Variants in NDFIP2 observed in about 807,000 individuals in gnomAD.
NDFIP2 encodes Nedd4 family interacting protein 2.
Under a neutral mutation model 36.0 loss-of-function variants are expected in NDFIP2, and 19 were observed. That is an observed-to-expected ratio of 0.53 (90% CI 0.37 to 0.77). The LOEUF is 0.77. Among genes scored for constraint, NDFIP2 ranks in the 30% least tolerant of loss-of-function variants. The pLI is 0.00. For missense variants in NDFIP2, 446 were observed against 435.8 expected, an observed-to-expected ratio of 1.02 and a Z score of -0.21; for synonymous variants, 181 against 167.7, an observed-to-expected ratio of 1.08 and a Z score of -0.61.
At chr13:79,494,451 T>C (rs1201725822) in intron 1 of NDFIP2, among the ~76,000 whole-genome samples, 3 of 152,084 alleles carry the variant, frequency 2.0e-5, no homozygotes, top group Admixed American at 6.6e-5. Flanking sequence ...TCTTTAGTTA[T>C]ATATTTATTG....
chr13:79,495,708 T>C (rs974790229), intron 1 of NDFIP2, among the ~76,000 whole-genome samples: 2 of 151,932 alleles, frequency 1.3e-5, no homozygotes, highest in Non-Finnish European at 2.9e-5. Flanking sequence ...ATTGTTGATA[T>C]GGTTGGTTTA....
Position 79,481,434 on chromosome 13 carries a change from T to C in NDFIP2, c.231T>C (p.Ala77=). Residue 77 remains alanine (A), a synonymous_variant, in exon 1 of 8, where the codon GCT becomes GCC. Coordinates refer to ENST00000218652, the MANE Select transcript of NDFIP2 (RefSeq NM_019080.3). ...CGTCGACGGGGGTGGCCGTGGGAGC[T>C]GAGCACGGAGAAGACTCCCTCTCTC... is the stretch of plus-strand genomic sequence containing the variant. ...TTSSTGVAVG[A]EHGEDSLSRK... 1.3e-6 allele frequency: 2 copies of C among 1,560,346 alleles called. No homozygotes were observed. Among genetic ancestry groups the C allele is most frequent in the East Asian group, 2.4e-5 (1 of 42,048 alleles).
intron 1 of NDFIP2, among the ~76,000 whole-genome samples, chr13:79,512,095 C>A (rs1033888155): frequency 1.3e-5 from 2 of 152,158 alleles, no homozygotes; most frequent in Admixed American, 1.3e-4. Context: ...CCAGCCACCC[C>A]ATTTTTGACT....
chr13:79,505,556 G>T lies in NDFIP2; in HGVS notation c.322-15254G>T, dbSNP rs1385041899. 2.0e-5 allele frequency among the ~76,000 whole-genome samples: 3 copies of T among 151,012 alleles called. No homozygotes were observed. The East Asian group carries it at 5.8e-4, about 29-fold the overall frequency. ...GAGGCGGGAGGATTGCTTGAGCCCA[G>T]AAGTTAGAGGCTGTAGTGAGCTAGA... On this transcript the variant is annotated intron_variant, in intron 1 of 7. Transcript: ENST00000218652.
intron 1 of NDFIP2, among the ~76,000 whole-genome samples, chr13:79,517,646 A>G (rs6563115): frequency 0.41 from 62,051 of 152,014 alleles, 13,499 homozygotes; most frequent in East Asian, 0.7. Context: ...ATATTCACAT[A>G]TTATAATTTT....
intron 1 of NDFIP2, among the ~76,000 whole-genome samples, chr13:79,482,028 G>A (rs2079816630): frequency 1.3e-5 from 2 of 152,030 alleles, no homozygotes; most frequent in African/African-American, 2.4e-5. Context: ...AGGAATTGTG[G>A]AACTGTAGAG....
chr13:79,485,930 G>A (rs922315572), intron 1 of NDFIP2, among the ~76,000 whole-genome samples: 6 of 152,052 alleles, frequency 3.9e-5, no homozygotes, highest in African/African-American at 7.3e-5. Context: ...TGTTTGCATC[G>A]TGTGAATCAT....
chr13:79,504,568 G>T (rs1873787524), intron 1 of NDFIP2, among the ~76,000 whole-genome samples: 1 of 151,638 alleles, frequency 6.6e-6, no homozygotes. Flanking sequence ...AAAAAATTGA[G>T]ATCTGATCTG....
chr13:79,510,149 T>C (rs1320918153), intron 1 of NDFIP2, among the ~76,000 whole-genome samples: 1 of 152,194 alleles, frequency 6.6e-6, no homozygotes, highest in Non-Finnish European at 1.5e-5. Flanking sequence ...TAAAAAGTTG[T>C]CCCTTTTGTG....
intron 1 of NDFIP2, among the ~76,000 whole-genome samples, chr13:79,493,154 G>A (rs540989530): frequency 1.3e-5 from 2 of 152,238 alleles, no homozygotes; most frequent in East Asian, 3.9e-4. Context: ...TTATGTCATT[G>A]TTCTGGTCCT....
intron 1 of NDFIP2, among the ~76,000 whole-genome samples, chr13:79,514,795 A>G (rs1434616869): frequency 1.3e-5 from 2 of 152,194 alleles, no homozygotes; most frequent in African/African-American, 4.8e-5. Flanking sequence ...CTGTTCTTTC[A>G]TCACTTCTTG....
In NDFIP2 at chr13:79,553,186, G is replaced by T. The variant is rs992631320; in HGVS notation, c.*673G>T. The T allele has an allele frequency of 6.6e-6, 1 of 150,968 alleles. No individual in the cohort carries two copies. The allele number at this position is 150,968 out of a possible 1,614,324, so 9.4% of individuals were successfully genotyped here. ...AATTAAGTGAACTAAATATATATGT[G>T]TATATGTATACACATATATATACAC... On this transcript the variant is annotated 3_prime_UTR_variant, in exon 8 of 8. Transcript: ENST00000218652.
At chr13:79,544,221 G>A (rs1875568972) in intron 5 of NDFIP2, among the ~76,000 whole-genome samples, 1 of 152,096 alleles carries the variant, frequency 6.6e-6, no homozygotes, top group African/African-American at 2.4e-5. Flanking sequence ...GAGCTCAAAA[G>A]TGAAGGCCTG....
At chr13:79,522,486 CAAAATAT>C (rs1874624451) in intron 2 of NDFIP2, among the ~76,000 whole-genome samples, 3 of 152,062 alleles carry the variant, frequency 2.0e-5, no homozygotes, top group African/African-American at 7.2e-5. Context: ...ACAAACTACC[CAAAATAT>C]AATAGAGTAA....
At chr13:79,497,488 A>G (rs934975341) in intron 1 of NDFIP2, among the ~76,000 whole-genome samples, 1 of 151,940 alleles carries the variant, frequency 6.6e-6, no homozygotes, top group Non-Finnish European at 1.5e-5. Flanking sequence ...GCTTCCTGCT[A>G]CATCCCTGCC....
chr13:79,504,456 T>C (rs1873784128), intron 1 of NDFIP2, among the ~76,000 whole-genome samples: 1 of 152,188 alleles, frequency 6.6e-6, no homozygotes, highest in African/African-American at 2.4e-5. Context: ...TGTTGTCTTA[T>C]ATAGAGTGCA....
chr13:79,492,904 TC>T (rs1474454044), intron 1 of NDFIP2, among the ~76,000 whole-genome samples: 3 of 152,208 alleles, frequency 2.0e-5, no homozygotes, highest in Non-Finnish European at 4.4e-5. Context: ...CCCTCCTTCT[TC>T]CAGGACTAAT....
intron 1 of NDFIP2, among the ~76,000 whole-genome samples, chr13:79,484,340 G>A (rs1414095654): frequency 6.6e-6 from 1 of 152,056 alleles, no homozygotes; most frequent in African/African-American, 2.4e-5. Flanking sequence ...AAAGGATTAT[G>A]TACCTGTACC....
At chr13:79,533,581 T>C (rs562888477) in intron 3 of NDFIP2, 125 bp downstream of exon 3, 1 of 740,020 alleles carries the variant, frequency 1.4e-6, no homozygotes, top group African/African-American at 1.8e-5. Context: ...GCATTATGGG[T>C]TTAAACTGCA....
Sources: gnomAD v4.1 joint callset for allele counts (sites outside exome capture counted in the v4.1 genomes callset) on GRCh38, gnomAD v4.1.1 for gene constraint, MANE v1.5 for transcripts, NCBI Gene and HGNC (gene_info 2026-07-23, HGNC 2026-07-21) for gene names.